Variants in GRID2 observed in about 807,000 individuals in gnomAD.
GRID2 encodes the protein glutamate receptor ionotropic, delta-2.
GRID2 carries 33 observed loss-of-function variants against 114.8 expected under a neutral mutation model. The observed-to-expected ratio is 0.29, with a 90% CI of 0.22 to 0.38. GRID2 has a LOEUF of 0.38. Ranked by LOEUF, GRID2 falls within the 10% of genes least tolerant of loss-of-function variation. The probability of loss-of-function intolerance (pLI) is 1.00; values close to 1 mark genes in which losing one functional copy is unlikely to be tolerated. For missense variants in GRID2, 1,184 were observed against 1,257.7 expected (o/e 0.94, Z 0.89); for synonymous variants, 505 against 449.9 (o/e 1.12, Z -1.55).
chr4:92,775,669 T>C (rs2149355037), intron 2 of GRID2, among the ~76,000 whole-genome samples: 1 of 152,238 alleles, frequency 6.6e-6, no homozygotes, highest in Admixed American at 6.5e-5. Context: ...TGCAGAAAAA[T>C]ACCTAGACTA....
At chr4:93,042,293 CTCTCTCTATA>C (rs1462443619) in intron 2 of GRID2, among the ~76,000 whole-genome samples, 74 of 86,534 alleles carry the variant, frequency 8.6e-4, no homozygotes, top group African/African-American at 2.4e-3. Flanking sequence ...CTCTCTCTCT[CTCTCTCTATA>C]TATATATATA....
At chr4:93,073,040 G>A (rs185917421) in intron 2 of GRID2, among the ~76,000 whole-genome samples, 2 of 152,310 alleles carry the variant, frequency 1.3e-5, no homozygotes, top group Non-Finnish European at 2.9e-5. Context: ...AGTGTGAGCA[G>A]TTTGTCTCTC....
intron 2 of GRID2, among the ~76,000 whole-genome samples, chr4:92,711,274 A>C (rs150779885): frequency 2.4e-4 from 36 of 152,294 alleles, no homozygotes; most frequent in African/African-American, 7.2e-4. Context: ...AAGCAGACCT[A>C]CTTATTAGTT....
chr4:92,354,490 C>A (rs74352215), intron 1 of GRID2, among the ~76,000 whole-genome samples: 1 of 151,818 alleles, frequency 6.6e-6, no homozygotes, highest in Non-Finnish European at 1.5e-5. Flanking sequence ...TCTGTTTTTG[C>A]AGTCAGAATT....
chr4:93,725,389 G>A (rs1729773476), intron 14 of GRID2, among the ~76,000 whole-genome samples: 1 of 152,136 alleles, frequency 6.6e-6, no homozygotes, highest in Admixed American at 6.5e-5. Flanking sequence ...ATCCTTGTTG[G>A]ACATTTGGGT....
intron 2 of GRID2, among the ~76,000 whole-genome samples, chr4:92,917,532 T>C (rs1420669623): frequency 6.6e-6 from 1 of 152,212 alleles, no homozygotes; most frequent in Non-Finnish European, 1.5e-5. Context: ...TGAATTAATT[T>C]TTGTATAAGA....
At chr4:93,727,964 G>C (rs1192887917) in intron 14 of GRID2, among the ~76,000 whole-genome samples, 1 of 152,068 alleles carries the variant, frequency 6.6e-6, no homozygotes, top group South Asian at 2.1e-4. Flanking sequence ...TTTTTGAAGG[G>C]TTTTTTGTGT....
intron 2 of GRID2, among the ~76,000 whole-genome samples, chr4:92,615,769 ATATATT>A (rs1729978659): frequency 6.6e-6 from 1 of 151,478 alleles, no homozygotes; most frequent in African/African-American, 2.4e-5. Flanking sequence ...TTTTTGTACT[ATATATT>A]TATGAATTAT....
chr4:93,445,003 A>G (rs990605046), intron 10 of GRID2, among the ~76,000 whole-genome samples: 2 of 152,026 alleles, frequency 1.3e-5, no homozygotes, highest in South Asian at 2.1e-4. Flanking sequence ...ACTTCCCACA[A>G]TATGAATTTC....
At chr4:92,589,157 C>G (rs1457987615) in intron 1 of GRID2, among the ~76,000 whole-genome samples, 1 of 152,074 alleles carries the variant, frequency 6.6e-6, no homozygotes, top group Non-Finnish European at 1.5e-5. Flanking sequence ...AAGATAAAGC[C>G]AGCTCCACAC....
intron 1 of GRID2, among the ~76,000 whole-genome samples, chr4:92,527,319 T>A (rs10032172): frequency 0.4 from 60,371 of 151,948 alleles, 12,041 homozygotes; most frequent in South Asian, 0.44. Context: ...ATTTCTTCAG[T>A]TTTGGAAAGT....
intron 1 of GRID2, among the ~76,000 whole-genome samples, chr4:92,557,400 A>G (rs916472585): frequency 6.6e-6 from 1 of 151,456 alleles, no homozygotes; most frequent in Non-Finnish European, 1.5e-5. Context: ...ATCAGGAAAC[A>G]GGAAATAAGA....
At chr4:93,727,055 A>T (rs1028835748) in intron 14 of GRID2, among the ~76,000 whole-genome samples, 24 of 152,210 alleles carry the variant, frequency 1.6e-4, no homozygotes, top group South Asian at 6.2e-4. Context: ...GGCATCCCTG[A>T]CTTGTGCCAG....
intron 9 of GRID2, among the ~76,000 whole-genome samples, chr4:93,416,406 A>T (rs1382672402): frequency 6.6e-6 from 1 of 152,070 alleles, no homozygotes; most frequent in Non-Finnish European, 1.5e-5. Flanking sequence ...TGTTTTAGGG[A>T]AAAAATATTT....
chr4:92,315,652 C>T (rs2110116329), intron 1 of GRID2, among the ~76,000 whole-genome samples: 1 of 152,116 alleles, frequency 6.6e-6, no homozygotes, highest in Non-Finnish European at 1.5e-5. Flanking sequence ...CCAGGTAATA[C>T]CTTAGTAGCT....
At chr4:92,399,636 GCTCTCTCTCTCT>G (rs749067156) in intron 1 of GRID2, among the ~76,000 whole-genome samples, 9 of 141,894 alleles carry the variant, frequency 6.3e-5, no homozygotes, top group African/African-American at 2.1e-4. Context: ...AATAAAAGCA[GCTCTCTCTCTCT>G]CTCTCTCTCT....
rs559316281 is a variant in GRID2 at position 92,850,962 on chromosome 4, G to T, written c.245-234033G>T. ...CATTAAAATCATTTCATTGCCACAG[G>T]TGTGTGCATATGCACATGAAAGTCA... is the stretch of plus-strand genomic sequence containing the variant. On this transcript the variant is annotated intron_variant, in intron 2 of 15. Transcript: ENST00000282020. Among the ~76,000 whole-genome samples, 7 of 152,038 alleles carry T rather than the reference G, an allele frequency of 4.6e-5. No individual in the cohort carries two copies. The East Asian group carries it at 9.6e-4, about 21-fold the overall frequency.
At chr4:92,393,461 G>T (rs1049544130) in intron 1 of GRID2, among the ~76,000 whole-genome samples, 1 of 151,988 alleles carries the variant, frequency 6.6e-6, no homozygotes, top group African/African-American at 2.4e-5. Context: ...AAACTTCCCT[G>T]CACTCAACCT....
At chr4:92,600,571 C>G (rs956001962) in intron 2 of GRID2, among the ~76,000 whole-genome samples, 1 of 152,090 alleles carries the variant, frequency 6.6e-6, no homozygotes, top group African/African-American at 2.4e-5. Context: ...ACTATGGGGA[C>G]TTTTTCGTTG....
Sources: gnomAD v4.1 joint callset for allele counts (sites outside exome capture counted in the v4.1 genomes callset) on GRCh38, gnomAD v4.1.1 for gene constraint, MANE v1.5 for transcripts, NCBI Gene and HGNC (gene_info 2026-07-23, HGNC 2026-07-21) for gene names.